ANO2: variants seen among roughly 807,000 people sequenced by gnomAD.
The protein encoded by ANO2 is anoctamin 2, also known as anoctamin-2.
In ANO2, 101 loss-of-function variants were observed where a neutral mutation model predicts 124.2. The observed-to-expected ratio is 0.81, with a 90% confidence interval of 0.69 to 0.96. The LOEUF (loss-of-function observed/expected upper bound fraction) is 0.96, where lower values mean the gene tolerates loss of function less well. Ranked by LOEUF, ANO2 falls within the 40% of genes least tolerant of loss-of-function variation. The pLI, the probability that ANO2 is intolerant of heterozygous loss-of-function variation, is 0.00. For missense variants in ANO2, 1,293 were observed against 1,274.5 expected, an observed-to-expected ratio of 1.01 and a Z score of -0.22; for synonymous variants, 486 against 482.5, an observed-to-expected ratio of 1.01 and a Z score of -0.09.
At chr12:5,897,341 A>G (rs1418848526) in intron 3 of ANO2, among the ~76,000 whole-genome samples, 4 of 151,380 alleles carry the variant, frequency 2.6e-5, no homozygotes, top group African/African-American at 7.3e-5. Context: ...CTAAAAAAAG[A>G]AAAAAAAACT....
At chr12:5,876,558 T>C (rs1447010193) in intron 3 of ANO2, among the ~76,000 whole-genome samples, 1 of 152,182 alleles carries the variant, frequency 6.6e-6, no homozygotes, top group Non-Finnish European at 1.5e-5. Context: ...CTATTCACAA[T>C]AGCAAAGATT....
intron 10 of ANO2, among the ~76,000 whole-genome samples, chr12:5,761,342 G>T (rs1324093893): frequency 6.6e-6 from 1 of 152,056 alleles, no homozygotes; most frequent in Non-Finnish European, 1.5e-5. Flanking sequence ...GCTATAAAAA[G>T]TCCTATACCC....
At chr12:5,892,246 AC>A (rs1484991637) in intron 3 of ANO2, among the ~76,000 whole-genome samples, 10 of 152,222 alleles carry the variant, frequency 6.6e-5, no homozygotes, top group African/African-American at 1.2e-4. Context: ...AGACAAAAAA[AC>A]ATGTTGAAAA....
At chr12:5,576,379 T>A (rs1661447168) in intron 22 of ANO2, among the ~76,000 whole-genome samples, 1 of 152,220 alleles carries the variant, frequency 6.6e-6, no homozygotes, top group Non-Finnish European at 1.5e-5. Context: ...CCTATAGTGA[T>A]GAGGGTACTA....
intron 14 of ANO2, among the ~76,000 whole-genome samples, chr12:5,653,629 C>T (rs953524252): frequency 6.6e-6 from 1 of 152,144 alleles, no homozygotes; most frequent in Non-Finnish European, 1.5e-5. Context: ...ATACATTGAA[C>T]ATCAAATATG....
intron 1 of ANO2, among the ~76,000 whole-genome samples, chr12:5,940,387 G>A (rs1043524818): frequency 5.9e-5 from 9 of 152,154 alleles, no homozygotes; most frequent in East Asian, 5.8e-4. Context: ...GTTCTCTAAC[G>A]TATGTTTTAG....
chr12:5,746,382 G>A (rs920475133), intron 11 of ANO2, among the ~76,000 whole-genome samples: 1 of 152,134 alleles, frequency 6.6e-6, no homozygotes, highest in Non-Finnish European at 1.5e-5. Flanking sequence ...GTATTGGGGG[G>A]TTTTTGATGT....
At chr12:5,841,286 C>A (rs1954505395) in intron 4 of ANO2, among the ~76,000 whole-genome samples, 1 of 152,242 alleles carries the variant, frequency 6.6e-6, no homozygotes, top group Non-Finnish European at 1.5e-5. Context: ...TCTGTGCACA[C>A]CAAGAACAGC....
intron 14 of ANO2, among the ~76,000 whole-genome samples, chr12:5,720,842 G>A (rs1443310431): frequency 6.6e-6 from 1 of 152,158 alleles, no homozygotes; most frequent in Admixed American, 6.5e-5. Context: ...TTTAGACCCT[G>A]GCCAGTAGAA....
chr12:5,585,488 G>T (rs932156420), intron 20 of ANO2, among the ~76,000 whole-genome samples: 3 of 152,188 alleles, frequency 2.0e-5, no homozygotes, highest in Admixed American at 2.0e-4. Context: ...TGTGTTTAAA[G>T]GAGACTCAGT....
chr12:5,836,191 C>T (rs1278552026), intron 4 of ANO2, among the ~76,000 whole-genome samples: 3 of 152,196 alleles, frequency 2.0e-5, no homozygotes, highest in Non-Finnish European at 4.4e-5. Flanking sequence ...TCCACATTTT[C>T]TCTTGCTAAG....
At chr12:5,852,733 C>A (rs370818960) in intron 4 of ANO2, among the ~76,000 whole-genome samples, 1 of 151,940 alleles carries the variant, frequency 6.6e-6, no homozygotes, top group Non-Finnish European at 1.5e-5. Flanking sequence ...CAGAAGGCAA[C>A]AAATATGGAA....
At chr12:5,884,534 C>T (rs1210529943) in intron 3 of ANO2, among the ~76,000 whole-genome samples, 7 of 152,220 alleles carry the variant, frequency 4.6e-5, no homozygotes, top group East Asian at 1.9e-4. Context: ...CCAGGACAGC[C>T]GGCACTTTCT....
chr12:5,661,196 GC>G (rs756337804), intron 14 of ANO2, among the ~76,000 whole-genome samples: 7 of 152,116 alleles, frequency 4.6e-5, no homozygotes, highest in Non-Finnish European at 1.0e-4. Context: ...CAGCTCCTCT[GC>G]CTAGTGCTTC....
chr12:5,642,064 C>T lies in ANO2; in HGVS notation c.1620+5663G>A, dbSNP rs1029367049. On this transcript the variant is annotated intron_variant, in intron 15 of 24. Coordinates refer to ENST00000682330, the MANE Select transcript of ANO2 (RefSeq NM_001364791.2). ...AGCAGACAAGCTCCTAGTTTCAGTC[C>T]TCTCCTTGCCTGACTTATCAGTGGC... Among the ~76,000 whole-genome samples, 11 of 152,216 alleles carry T rather than the reference C, an allele frequency of 7.2e-5. No individual in the cohort carries two copies. The East Asian group carries it at 2.1e-3, about 29-fold the overall frequency.
At chr12:5,646,246 G>A (rs1946633145) in intron 15 of ANO2, among the ~76,000 whole-genome samples, 1 of 152,112 alleles carries the variant, frequency 6.6e-6, no homozygotes, top group Non-Finnish European at 1.5e-5. Context: ...CTAGTGCCCA[G>A]GTATTTGTTT....
At chr12:5,906,158 TG>T (rs1940666299) in intron 3 of ANO2, among the ~76,000 whole-genome samples, 1 of 152,104 alleles carries the variant, frequency 6.6e-6, no homozygotes, top group African/African-American at 2.4e-5. Flanking sequence ...CTGCTATAAT[TG>T]GGGGCAGGGC....
chr12:5,808,347 G>A (rs1215809350), intron 7 of ANO2, among the ~76,000 whole-genome samples: 3 of 152,266 alleles, frequency 2.0e-5, no homozygotes, highest in Admixed American at 1.3e-4. Context: ...GCATAAAGTC[G>A]TCGTTATTTA....
chr12:5,808,888 T>A (rs568088434), intron 7 of ANO2, among the ~76,000 whole-genome samples: 1 of 152,134 alleles, frequency 6.6e-6, no homozygotes, highest in African/African-American at 2.4e-5. Flanking sequence ...TTGCCACAGT[T>A]CCAGGACATT....
Sources: allele counts gnomAD v4.1 joint callset (sites outside exome capture counted in the v4.1 genomes callset), GRCh38; gene constraint gnomAD v4.1.1; transcripts MANE v1.5; gene names NCBI Gene and HGNC (gene_info 2026-07-23, HGNC 2026-07-21).